Variants in TYR observed in about 807,000 individuals in gnomAD.
TYR encodes tyrosinase.
In TYR, 58 loss-of-function variants were observed where a neutral mutation model predicts 51.5. The observed-to-expected ratio is 1.13, with a 90% CI of 0.91 to 1.40. The LOEUF (loss-of-function observed/expected upper bound fraction) is 1.40. Among genes scored for constraint, TYR ranks in the 40% most tolerant of loss-of-function variants. The probability of loss-of-function intolerance (pLI) is 0.00; values close to 1 mark genes in which losing one functional copy is unlikely to be tolerated. For missense variants in TYR, 732 were observed against 647.4 expected, an observed-to-expected ratio of 1.13 and a Z score of -1.42; for synonymous variants, 263 against 235.2, an observed-to-expected ratio of 1.12 and a Z score of -1.08.
chr11:89,242,982 C>T (rs1437136341), intron 3 of TYR, among the ~76,000 whole-genome samples: 1 of 152,104 alleles, frequency 6.6e-6, no homozygotes, highest in East Asian at 1.9e-4. Context: ...TCACATAATT[C>T]CACCTTTGTC....
At chr11:89,276,126 C>A (rs1167373655) in intron 3 of TYR, among the ~76,000 whole-genome samples, 1 of 151,846 alleles carries the variant, frequency 6.6e-6, no homozygotes, top group African/African-American at 2.4e-5. Flanking sequence ...AGCTGGTTGG[C>A]AGCATTGATA....
intron 3 of TYR, among the ~76,000 whole-genome samples, chr11:89,269,583 T>C (rs1460322202): frequency 6.6e-6 from 1 of 151,988 alleles, no homozygotes; most frequent in Non-Finnish European, 1.5e-5. Context: ...AGTTTAAGTA[T>C]TTTAATCTGA....
At chr11:89,263,598 AAT>A (rs1944488260) in intron 3 of TYR, among the ~76,000 whole-genome samples, 1 of 152,088 alleles carries the variant, frequency 6.6e-6, no homozygotes, top group African/African-American at 2.4e-5. Context: ...TAGTGTCTTA[AAT>A]CATAAAGAAG....
chr11:89,229,023 CTT>C (rs1215876754), intron 3 of TYR, among the ~76,000 whole-genome samples: 7 of 152,012 alleles, frequency 4.6e-5, no homozygotes, highest in Non-Finnish European at 1.0e-4. Flanking sequence ...CTATCATCCT[CTT>C]GGGTAAAAAT....
At chr11:89,283,709 A>G (rs754728816) in intron 3 of TYR, 5 of 151,812 alleles carry the variant, frequency 3.3e-5, no homozygotes, top group Non-Finnish European at 5.9e-5. Context: ...TGACTCGATA[A>G]TGCAAAGCCA....
chr11:89,233,540 C>T (rs1321276903), intron 3 of TYR, among the ~76,000 whole-genome samples: 1 of 140,192 alleles, frequency 7.1e-6, no homozygotes, highest in Non-Finnish European at 1.5e-5. Context: ...GAATCACTAT[C>T]TATGGAATAT....
intron 2 of TYR, 86 bp downstream of exon 2, chr11:89,191,504 T>C: frequency 1.5e-6 from 2 of 1,353,544 alleles, no homozygotes; most frequent in African/African-American, 1.5e-5. Flanking sequence ...TATTTGAGAA[T>C]TCAGAATTTT....
intron 3 of TYR, among the ~76,000 whole-genome samples, chr11:89,257,781 A>G (rs1944411544): frequency 6.6e-6 from 1 of 151,978 alleles, no homozygotes; most frequent in African/African-American, 2.4e-5. Flanking sequence ...CTCTCTACCT[A>G]TCAAATGACT....
chr11:89,284,183 G>A (rs181003486), intron 3 of TYR, among the ~76,000 whole-genome samples: 68 of 151,838 alleles, frequency 4.5e-4, no homozygotes, highest in African/African-American at 1.5e-3. Context: ...ATGTCAGATT[G>A]GCAGAATATT....
intron 3 of TYR, among the ~76,000 whole-genome samples, chr11:89,284,211 C>T: frequency 6.6e-6 from 1 of 151,788 alleles, no homozygotes; most frequent in East Asian, 1.9e-4. Context: ...TGGTCATACT[C>T]TAACTTTAGA....
chr11:89,181,575 G>A (rs895107902), intron 1 of TYR, among the ~76,000 whole-genome samples: 1 of 152,136 alleles, frequency 6.6e-6, no homozygotes, highest in Non-Finnish European at 1.5e-5. Context: ...CTAGGCTGAT[G>A]CACCTTTCAC....
At chr11:89,202,761 CT>C (rs1307589095) in intron 2 of TYR, among the ~76,000 whole-genome samples, 1 of 151,978 alleles carries the variant, frequency 6.6e-6, no homozygotes, top group African/African-American at 2.4e-5. Context: ...ATTCACATTT[CT>C]TTTCTTAAGA....
rs750808134 is a variant in TYR, at chr11:89,191,332, A to T, written c.950A>T (p.Asp317Val). The change falls in exon 2 of 5, where the codon GAT (aspartate) becomes GTT (valine). Residue 317 changes from aspartate to valine, a missense_variant. Asp to Val is a radical substitution (Grantham distance 152). Coordinates refer to ENST00000263321, the MANE Select transcript of TYR (RefSeq NM_000372.5). ...ACCCCAAGGCTCCCCTCTTCAGCTG[A>T]TGTAGAATTTTGCCTGAGTTTGACC... Reference protein sequence around the residue: ...SRTPRLPSSADVEFCLSLTQY... With the variant: ...SRTPRLPSSAVVEFCLSLTQY... The T allele has an allele frequency of 1.9e-6, 3 of 1,613,732 alleles. No individual in the cohort carries two copies. Among genetic ancestry groups the T allele is most frequent in the Non-Finnish European group, 8.5e-7 (1 of 1,179,786 alleles).
intron 3 of TYR, among the ~76,000 whole-genome samples, chr11:89,235,373 C>G (rs181890252): frequency 6.6e-6 from 1 of 152,236 alleles, no homozygotes; most frequent in East Asian, 1.9e-4. Context: ...ATTTGTACTT[C>G]CATGTTTGTT....
chr11:89,240,160 G>A (rs1443493219), intron 3 of TYR, among the ~76,000 whole-genome samples: 1 of 151,932 alleles, frequency 6.6e-6, no homozygotes, highest in East Asian at 1.9e-4. Context: ...CTGGTTGATG[G>A]GTTGATCTGT....
intron 2 of TYR, among the ~76,000 whole-genome samples, chr11:89,207,292 A>T (rs35434176): frequency 6.6e-6 from 1 of 151,954 alleles, no homozygotes; most frequent in Non-Finnish European, 1.5e-5. Flanking sequence ...AGGGATATCA[A>T]TACAGATCTT....
chr11:89,198,258 A>T (rs916924482), intron 2 of TYR, among the ~76,000 whole-genome samples: 2 of 152,170 alleles, frequency 1.3e-5, no homozygotes, highest in African/African-American at 2.4e-5. Context: ...TTCAAAAAAT[A>T]AATTCATTTG....
At chr11:89,218,048 C>T (rs1348597817) in intron 2 of TYR, among the ~76,000 whole-genome samples, 4 of 152,062 alleles carry the variant, frequency 2.6e-5, no homozygotes, top group Non-Finnish European at 2.9e-5. Context: ...TGAACAACAC[C>T]AAAACTATTT....
At chr11:89,202,646 C>CACACACACACACACACACAA (rs1463528236) in intron 2 of TYR, among the ~76,000 whole-genome samples, 8 of 151,906 alleles carry the variant, frequency 5.3e-5, no homozygotes, top group African/African-American at 1.7e-4. Flanking sequence ...CACACACACA[C>CACACACACACACACACACAA]ACACTGTATA....
Sources: gnomAD v4.1 joint callset for allele counts (sites outside exome capture counted in the v4.1 genomes callset) on GRCh38, gnomAD v4.1.1 for gene constraint, MANE v1.5 for transcripts, NCBI Gene and HGNC (gene_info 2026-07-23, HGNC 2026-07-21) for gene names.